The following MYO3B variants were observed in gnomAD, a reference collection of about 807,000 sequenced individuals.
The protein encoded by MYO3B is myosin-IIIb.
In MYO3B, 156 loss-of-function variants were observed where a neutral mutation model predicts 174.6. The observed-to-expected ratio is 0.89, with a 90% CI of 0.78 to 1.02. The LOEUF (loss-of-function observed/expected upper bound fraction) is 1.02. Ranked by LOEUF, MYO3B falls within the 50% of genes least tolerant of loss-of-function variation. MYO3B has a pLI of 0.00. For synonymous variants in MYO3B, 563 were observed against 569.1 expected, an observed-to-expected ratio of 0.99 and a Z score of 0.15; for missense variants, 1,632 against 1,639.4, an observed-to-expected ratio of 1.00 and a Z score of 0.08.
At chr2:170,353,751 A>G (rs1177405674) in intron 8 of MYO3B, among the ~76,000 whole-genome samples, 2 of 152,218 alleles carry the variant, frequency 1.3e-5, no homozygotes, top group Non-Finnish European at 2.9e-5. Context: ...AAATAAAACA[A>G]ATTCTCTGCA....
intron 7 of MYO3B, among the ~76,000 whole-genome samples, chr2:170,328,149 G>A (rs559192270): frequency 2.6e-5 from 4 of 152,106 alleles, no homozygotes; most frequent in East Asian, 3.9e-4. Context: ...TGATCTGCCC[G>A]CCTCAGCCTC....
intron 7 of MYO3B, among the ~76,000 whole-genome samples, chr2:170,271,930 G>T (rs961771522): frequency 6.6e-6 from 1 of 151,936 alleles, no homozygotes; most frequent in Non-Finnish European, 1.5e-5. Flanking sequence ...TTGTATTCAG[G>T]TTTCAGTATA....
intron 3 of MYO3B, among the ~76,000 whole-genome samples, chr2:170,201,325 C>T (rs2092659027): frequency 2.0e-5 from 3 of 152,320 alleles, no homozygotes; most frequent in South Asian, 4.1e-4. Context: ...CCTTCTGAAC[C>T]AGCTCATGTC....
At chr2:170,544,024 C>A (rs555024939) in intron 32 of MYO3B, 36 bp downstream of exon 32, 2 of 1,469,724 alleles carry the variant, frequency 1.4e-6, no homozygotes, top group Non-Finnish European at 9.5e-7. Context: ...GCGGCTTCTA[C>A]CATTTGCATG....
chr2:170,261,490 T>C (rs1366448264), intron 7 of MYO3B, among the ~76,000 whole-genome samples: 1 of 152,192 alleles, frequency 6.6e-6, no homozygotes, highest in African/African-American at 2.4e-5. Flanking sequence ...AGATTGAGGC[T>C]GCAGTGAGCT....
At chr2:170,594,517 C>T (rs1194524183) in intron 32 of MYO3B, among the ~76,000 whole-genome samples, 1 of 152,126 alleles carries the variant, frequency 6.6e-6, no homozygotes, top group Non-Finnish European at 1.5e-5. Context: ...CTGTCATTTG[C>T]AGCTAACAGA....
chr2:170,630,616 C>T (rs542723078), intron 32 of MYO3B, among the ~76,000 whole-genome samples: 53 of 152,328 alleles, frequency 3.5e-4, no homozygotes, highest in Admixed American at 1.1e-3. Context: ...CCCTGACCCC[C>T]GTGTAGCCTA....
At chr2:170,250,535 C>T (rs1400746865) in intron 7 of MYO3B, among the ~76,000 whole-genome samples, 2 of 152,192 alleles carry the variant, frequency 1.3e-5, no homozygotes, top group Non-Finnish European at 2.9e-5. Context: ...TGGACAGGTG[C>T]AGGAGCCCAA....
At chr2:170,342,585 G>A (rs750264621) in intron 8 of MYO3B, among the ~76,000 whole-genome samples, 1 of 152,134 alleles carries the variant, frequency 6.6e-6, no homozygotes, top group Non-Finnish European at 1.5e-5. Context: ...TCAAATTGGG[G>A]CTAGAGTAGT....
intron 7 of MYO3B, among the ~76,000 whole-genome samples, chr2:170,324,465 C>G (rs984177750): frequency 6.6e-6 from 1 of 152,174 alleles, no homozygotes; most frequent in African/African-American, 2.4e-5. Context: ...TTCTTTATCT[C>G]TCAAATATAT....
chr2:170,251,421 C>G (rs991293457), intron 7 of MYO3B, among the ~76,000 whole-genome samples: 1 of 152,062 alleles, frequency 6.6e-6, no homozygotes. Context: ...AATCGTGTTT[C>G]TCAGAAAAGA....
rs186045438 is a variant in MYO3B at position 170,516,610 on chromosome 2, T to A, written c.3472+1588T>A. Among the ~76,000 whole-genome samples the A allele has an allele frequency of 3.7e-4, 53 of 141,590 alleles. 2 individuals are homozygous for A. The East Asian group carries it at 0.01, about 27-fold the overall frequency. The allele number at this position is 141,590 out of a possible 152,430, so 92.9% of individuals were successfully genotyped here. A position where few individuals can be genotyped will look rare whatever the true frequency, so the allele number is the denominator to read the frequency against. On this transcript the variant is annotated intron_variant, in intron 29 of 34. Coordinates refer to ENST00000408978, the MANE Select transcript of MYO3B (RefSeq NM_138995.5). ...GTGAGCCGAGATCGCGCCACTGAACTACAGCCTGGGCAACAGAGCCAGACT... is the reference window on the plus strand; with the variant it reads ...GTGAGCCGAGATCGCGCCACTGAACAACAGCCTGGGCAACAGAGCCAGACT...
chr2:170,463,072 C>A (rs183076296), intron 23 of MYO3B, among the ~76,000 whole-genome samples: 186 of 152,230 alleles, frequency 1.2e-3, no homozygotes, highest in African/African-American at 4.3e-3. Context: ...TCTCATATGA[C>A]CTTACTGGAG....
chr2:170,597,268 G>A (rs1694212159), intron 32 of MYO3B, among the ~76,000 whole-genome samples: 1 of 151,844 alleles, frequency 6.6e-6, no homozygotes, highest in Non-Finnish European at 1.5e-5. Context: ...CTACTCAGGA[G>A]GCTGAAGCAG....
chr2:170,285,362 A>AGTCT (rs1474925385), intron 7 of MYO3B, among the ~76,000 whole-genome samples: 1 of 117,036 alleles, frequency 8.5e-6, no homozygotes, highest in Non-Finnish European at 1.8e-5. Flanking sequence ...ATCTTCTGTC[A>AGTCT]GTCTGTGACC....
At chr2:170,207,729 G>A (rs1422831719) in intron 3 of MYO3B, among the ~76,000 whole-genome samples, 3 of 151,910 alleles carry the variant, frequency 2.0e-5, no homozygotes, top group Non-Finnish European at 4.4e-5. Flanking sequence ...AGGGGTTCAG[G>A]ATGCACTCAA....
chr2:170,310,025 T>C (rs2093727041), intron 7 of MYO3B, among the ~76,000 whole-genome samples: 1 of 152,152 alleles, frequency 6.6e-6, no homozygotes, highest in Non-Finnish European at 1.5e-5. Context: ...TGTATGGCCG[T>C]TTGTATTTGG....
intron 1 of MYO3B, among the ~76,000 whole-genome samples, chr2:170,186,439 T>C (rs948736510): frequency 6.6e-6 from 1 of 152,252 alleles, no homozygotes; most frequent in East Asian, 1.9e-4. Flanking sequence ...GATTTGCATA[T>C]GTTGAACCAT....
chr2:170,484,461 G>T (rs1334075746), intron 25 of MYO3B, among the ~76,000 whole-genome samples: 1 of 152,126 alleles, frequency 6.6e-6, no homozygotes, highest in African/African-American at 2.4e-5. Flanking sequence ...AAATTAATTT[G>T]AGTAAATCCA....
Sources: allele counts gnomAD v4.1 joint callset (sites outside exome capture counted in the v4.1 genomes callset), GRCh38; gene constraint gnomAD v4.1.1; transcripts MANE v1.5; gene names NCBI Gene and HGNC (gene_info 2026-07-23, HGNC 2026-07-21).